Variants in CACNA2D3 observed in about 807,000 individuals in gnomAD.
CACNA2D3 encodes calcium voltage-gated channel auxiliary subunit alpha2delta 3.
In CACNA2D3, 60 loss-of-function variants were observed where a neutral mutation model predicts 160.6. That is an observed-to-expected ratio of 0.37 (90% confidence interval 0.30 to 0.46). CACNA2D3 has a LOEUF of 0.46. Among genes scored for constraint, CACNA2D3 ranks in the 20% least tolerant of loss-of-function variants. CACNA2D3 has a pLI of 1.00. For synonymous variants in CACNA2D3, 558 were observed against 492.9 expected, an observed-to-expected ratio of 1.13 and a Z score of -1.75; for missense variants, 1,205 against 1,365.0, an observed-to-expected ratio of 0.88 and a Z score of 1.85.
intron 11 of CACNA2D3, among the ~76,000 whole-genome samples, chr3:54,744,512 T>C (rs1464213575): frequency 6.6e-6 from 1 of 152,194 alleles, no homozygotes; most frequent in Non-Finnish European, 1.5e-5. Context: ...AGTGGATCCT[T>C]TGACTCTCCA....
Position 54,947,925 on chromosome 3 carries a change from G to A in CACNA2D3, c.2450-20525G>A, listed in dbSNP as rs531872119. Reference sequence around the variant, plus strand: ...CTGCAGCTGCCTCCAGAGCAACATGGCCTCTGTCTCTTTGCTGCCTTCTAA... The same window carrying A: ...CTGCAGCTGCCTCCAGAGCAACATGACCTCTGTCTCTTTGCTGCCTTCTAA... On this transcript the variant is annotated intron_variant, in intron 27 of 37. Transcript: ENST00000474759. Among the ~76,000 whole-genome samples the A allele has an allele frequency of 4.6e-5, 7 of 152,254 alleles. No individual in the cohort carries two copies. In the South Asian group the frequency reaches 1.2e-3, roughly 27 times the overall value.
chr3:54,340,078 T>C (rs1287488530), intron 3 of CACNA2D3, among the ~76,000 whole-genome samples: 1 of 152,168 alleles, frequency 6.6e-6, no homozygotes, highest in Admixed American at 6.5e-5. Flanking sequence ...CAAAGAGAAA[T>C]GATTTTAGAA....
intron 4 of CACNA2D3, among the ~76,000 whole-genome samples, chr3:54,400,346 A>G (rs36114617): frequency 6.6e-6 from 1 of 151,252 alleles, no homozygotes; most frequent in Admixed American, 6.6e-5. Flanking sequence ...TCACCTTAGA[A>G]CTCAGGTGCC....
intron 5 of CACNA2D3, among the ~76,000 whole-genome samples, chr3:54,548,347 A>G (rs1394324827): frequency 6.6e-5 from 10 of 152,260 alleles, no homozygotes; most frequent in African/African-American, 2.4e-4. Context: ...ACATCATGAA[A>G]TACATAACTG....
intron 12 of CACNA2D3, among the ~76,000 whole-genome samples, chr3:54,753,174 A>T (rs1195220246): frequency 6.6e-6 from 1 of 152,152 alleles, no homozygotes; most frequent in Non-Finnish European, 1.5e-5. Context: ...AATTTTGAGG[A>T]CATAGTCAAG....
chr3:54,772,855 G>A (rs1702344847), intron 13 of CACNA2D3, among the ~76,000 whole-genome samples: 1 of 152,150 alleles, frequency 6.6e-6, no homozygotes, highest in South Asian at 2.1e-4. Context: ...GCTTGGGAAT[G>A]CTATTCAACT....
At chr3:54,369,358 C>T (rs535945211) in intron 3 of CACNA2D3, among the ~76,000 whole-genome samples, 4 of 152,072 alleles carry the variant, frequency 2.6e-5, no homozygotes, top group South Asian at 4.2e-4. Flanking sequence ...GAGCCGTGGT[C>T]GTGCAGGCAA....
intron 2 of CACNA2D3, among the ~76,000 whole-genome samples, chr3:54,169,723 A>G (rs568722965): frequency 1.3e-5 from 2 of 151,232 alleles, no homozygotes; most frequent in Non-Finnish European, 2.9e-5. Context: ...GCATGTGTGC[A>G]AGTGTGCGTG....
chr3:54,600,499 CAGG>C (rs1703040887), intron 9 of CACNA2D3, among the ~76,000 whole-genome samples: 1 of 152,136 alleles, frequency 6.6e-6, no homozygotes, highest in Non-Finnish European at 1.5e-5. Flanking sequence ...CTGGGTCTTG[CAGG>C]AGAACATGCA....
intron 2 of CACNA2D3, among the ~76,000 whole-genome samples, chr3:54,197,927 G>A (rs757519229): frequency 2.0e-5 from 3 of 152,150 alleles, no homozygotes; most frequent in Non-Finnish European, 4.4e-5. Context: ...GAGACCACTT[G>A]GGAGCTGCTT....
intron 5 of CACNA2D3, among the ~76,000 whole-genome samples, chr3:54,518,777 G>T (rs1376153440): frequency 6.6e-6 from 1 of 152,106 alleles, no homozygotes; most frequent in Non-Finnish European, 1.5e-5. Flanking sequence ...CCTCCCAGAT[G>T]TCACTTGAGT....
chr3:55,016,548 C>A (rs1156875964), intron 34 of CACNA2D3, among the ~76,000 whole-genome samples: 2 of 152,200 alleles, frequency 1.3e-5, no homozygotes, highest in Non-Finnish European at 2.9e-5. Context: ...TAATGACTAG[C>A]ATTTCATGAA....
intron 10 of CACNA2D3, among the ~76,000 whole-genome samples, chr3:54,629,599 A>G (rs1699191068): frequency 6.6e-6 from 1 of 152,214 alleles, no homozygotes; most frequent in Non-Finnish European, 1.5e-5. Flanking sequence ...CATTTATGTA[A>G]GAGTCCGTGT....
At chr3:54,294,221 G>A (rs937876845) in intron 2 of CACNA2D3, among the ~76,000 whole-genome samples, 3 of 152,184 alleles carry the variant, frequency 2.0e-5, no homozygotes, top group African/African-American at 7.2e-5. Context: ...ACCCTGTGTT[G>A]TCATTTTAGA....
chr3:54,473,802 A>G (rs147393642), intron 4 of CACNA2D3, among the ~76,000 whole-genome samples: 3 of 152,370 alleles, frequency 2.0e-5, no homozygotes, highest in Admixed American at 2.0e-4. Context: ...ATCACTGATC[A>G]TTAGAGAAAT....
At chr3:54,894,482 G>A in intron 25 of CACNA2D3, 1 of 447,868 alleles carries the variant, frequency 2.2e-6, no homozygotes, top group Non-Finnish European at 4.5e-6. Flanking sequence ...CTTAAGTGAG[G>A]ACCACTTCAT....
At chr3:54,677,689 A>G (rs1293045115) in intron 11 of CACNA2D3, among the ~76,000 whole-genome samples, 1 of 151,412 alleles carries the variant, frequency 6.6e-6, no homozygotes, top group Non-Finnish European at 1.5e-5. Context: ...ATGTTTTATT[A>G]TCATGAAATA....
At chr3:54,498,735 C>G (rs1701242741) in intron 4 of CACNA2D3, among the ~76,000 whole-genome samples, 1 of 151,876 alleles carries the variant, frequency 6.6e-6, no homozygotes, top group Non-Finnish European at 1.5e-5. Flanking sequence ...CTTCTCTAAG[C>G]TCTGCTTTCG....
intron 9 of CACNA2D3, among the ~76,000 whole-genome samples, chr3:54,620,942 T>C (rs762520294): frequency 9.9e-5 from 15 of 152,222 alleles, no homozygotes; most frequent in South Asian, 2.1e-4. Flanking sequence ...TTTGCCAGTA[T>C]TGGCTGCCCT....
Sources: gnomAD v4.1 joint callset for allele counts (sites outside exome capture counted in the v4.1 genomes callset) on GRCh38, gnomAD v4.1.1 for gene constraint, MANE v1.5 for transcripts, NCBI Gene and HGNC (gene_info 2026-07-23, HGNC 2026-07-21) for gene names.